VPS13D: variants seen among roughly 807,000 people sequenced by gnomAD.
VPS13D encodes vacuolar protein sorting 13 homolog D.
In VPS13D, 187 loss-of-function variants were observed where a neutral mutation model predicts 461.9. That is an observed-to-expected ratio of 0.40 (90% CI 0.36 to 0.46). The LOEUF (loss-of-function observed/expected upper bound fraction) is 0.46, where lower values mean the gene tolerates loss of function less well. Ranked by LOEUF, VPS13D falls within the 20% of genes least tolerant of loss-of-function variation. The pLI is 0.60. For missense variants in VPS13D, 4,711 were observed against 5,364.9 expected (o/e 0.88, Z 3.81); for synonymous variants, 1,951 against 1,986.3 (o/e 0.98, Z 0.47).
At chr1:12,453,063 C>T (rs1470447456) in intron 65 of VPS13D, among the ~76,000 whole-genome samples, 1 of 152,142 alleles carries the variant, frequency 6.6e-6, no homozygotes, top group Non-Finnish European at 1.5e-5. Context: ...TCATCTCATC[C>T]CATCCTCCTT....
At chr1:12,380,155 T>G (rs913559729) in intron 57 of VPS13D, among the ~76,000 whole-genome samples, 6 of 152,210 alleles carry the variant, frequency 3.9e-5, no homozygotes. Flanking sequence ...GATGATAAGA[T>G]ATGTTTTTCA....
At chr1:12,242,684 G>T (rs944973188) in intron 3 of VPS13D, 94 bp downstream of exon 3, 23 of 1,115,084 alleles carry the variant, frequency 2.1e-5, no homozygotes, top group Non-Finnish European at 2.9e-5. Flanking sequence ...GATTTGGCCA[G>T]TTAGAGGAAG....
intron 18 of VPS13D, among the ~76,000 whole-genome samples, chr1:12,275,520 C>T (rs1365656456): frequency 5.3e-5 from 8 of 152,124 alleles, no homozygotes; most frequent in African/African-American, 1.4e-4. Flanking sequence ...GAAAGCAGCT[C>T]ACGCCCATGG....
At chr1:12,303,892 G>A (rs977833642) in intron 25 of VPS13D, among the ~76,000 whole-genome samples, 2 of 152,244 alleles carry the variant, frequency 1.3e-5, no homozygotes, top group African/African-American at 2.4e-5. Context: ...AAGTGTGTAA[G>A]AAAAGAGTAG....
intron 54 of VPS13D, among the ~76,000 whole-genome samples, chr1:12,372,455 T>A (rs904920281): frequency 2.2e-4 from 33 of 152,230 alleles, no homozygotes; most frequent in African/African-American, 7.7e-4. Flanking sequence ...GCATCCTTAG[T>A]AACTAATGAT....
chr1:12,252,785 AAAC>A (rs1165489773), intron 6 of VPS13D, among the ~76,000 whole-genome samples: 1 of 151,254 alleles, frequency 6.6e-6, no homozygotes, highest in Non-Finnish European at 1.5e-5. Flanking sequence ...AAAAAAAAAA[AAAC>A]AAGAGAAGAA....
At chr1:12,270,480 T>G (rs572263553) in intron 16 of VPS13D, among the ~76,000 whole-genome samples, 2 of 152,162 alleles carry the variant, frequency 1.3e-5, no homozygotes, top group African/African-American at 4.8e-5. Context: ...AAAAAAAGAA[T>G]ATAGAAGGCA....
At chr1:12,396,269 T>G (rs566742803) in intron 60 of VPS13D, among the ~76,000 whole-genome samples, 2 of 151,638 alleles carry the variant, frequency 1.3e-5, no homozygotes, top group South Asian at 4.2e-4. Context: ...ACTGTGGAGC[T>G]GGGGTAGGGG....
chr1:12,348,794 A>T, intron 44 of VPS13D, 29 bp from the exon 45 acceptor site: 1 of 1,609,154 alleles, frequency 6.2e-7, no homozygotes, highest in Non-Finnish European at 8.5e-7. Context: ...CAGAAACATA[A>T]CTATTTTGTC....
intron 48 of VPS13D, 120 bp from the exon 49 acceptor site, chr1:12,356,278 C>T: frequency 7.1e-7 from 1 of 1,400,496 alleles, no homozygotes. Context: ...AGAAACTGAG[C>T]CCACTAAATA....
rs565870827 is a variant in VPS13D at position 12,393,810 on chromosome 1, A to G, written c.11635-6371A>G. 5.9e-5 allele frequency among the ~76,000 whole-genome samples: 9 copies of G among 152,300 alleles called. No individual in the cohort carries two copies. The South Asian group carries it at 1.0e-3, about 18-fold the overall frequency. The stretch of plus-strand genomic sequence containing the variant: ...GTGGGGGTTCTGCCAGCTGTTAAGT[A>G]TATCTATGCCAATTATGCATTCTGG... On this transcript the variant is annotated intron_variant, in intron 60 of 69. Coordinates refer to ENST00000620676, the MANE Select transcript of VPS13D (RefSeq NM_015378.4).
At chr1:12,487,454 C>CA (rs1217641452) in intron 67 of VPS13D, among the ~76,000 whole-genome samples, 1 of 151,812 alleles carries the variant, frequency 6.6e-6, no homozygotes, top group Admixed American at 6.6e-5. Flanking sequence ...ACTAAAAATA[C>CA]AAAAAAATTA....
intron 65 of VPS13D, among the ~76,000 whole-genome samples, chr1:12,437,741 A>G (rs1194661350): frequency 1.3e-5 from 2 of 152,168 alleles, no homozygotes; most frequent in Non-Finnish European, 2.9e-5. Context: ...GTGGATGTTT[A>G]TCTTGAGACA....
At chr1:12,450,379 A>T (rs1437588652) in intron 65 of VPS13D, among the ~76,000 whole-genome samples, 1 of 152,184 alleles carries the variant, frequency 6.6e-6, no homozygotes, top group Middle Eastern at 3.2e-3. Context: ...ATTGCAGACA[A>T]TGCTGATTAG....
At chr1:12,417,622 G>A (rs926547971) in intron 65 of VPS13D, among the ~76,000 whole-genome samples, 6 of 152,150 alleles carry the variant, frequency 3.9e-5, no homozygotes, top group Non-Finnish European at 5.9e-5. Context: ...GTGTACTTGC[G>A]CCACAGGGTG....
intron 65 of VPS13D, among the ~76,000 whole-genome samples, chr1:12,445,196 C>T (rs554089974): frequency 2.0e-5 from 3 of 152,310 alleles, no homozygotes; most frequent in Admixed American, 6.5e-5. Context: ...CTGAAGAATC[C>T]GTTCTGCTTA....
chr1:12,418,188 G>C (rs980329899), intron 65 of VPS13D, among the ~76,000 whole-genome samples: 3 of 152,188 alleles, frequency 2.0e-5, no homozygotes, highest in South Asian at 2.1e-4. Context: ...GATTACAGGT[G>C]TGAGCCACTG....
At chr1:12,293,772 G>A (rs1354045922) in intron 24 of VPS13D, 68 bp downstream of exon 24, 1 of 1,506,572 alleles carries the variant, frequency 6.6e-7, no homozygotes, top group Non-Finnish European at 8.9e-7. Context: ...TAGGCCTCTA[G>A]AGATGAATCT....
At chr1:12,451,727 C>T (rs1047309764) in intron 65 of VPS13D, among the ~76,000 whole-genome samples, 9 of 152,226 alleles carry the variant, frequency 5.9e-5, no homozygotes, top group East Asian at 3.8e-4. Context: ...AGATAGCTTC[C>T]GCTTTGCTGG....
Sources: allele counts gnomAD v4.1 joint callset (sites outside exome capture counted in the v4.1 genomes callset), GRCh38; gene constraint gnomAD v4.1.1; transcripts MANE v1.5; gene names NCBI Gene and HGNC (gene_info 2026-07-23, HGNC 2026-07-21).